The following DGKB variants were observed in gnomAD, a reference collection of about 807,000 sequenced individuals.
DGKB encodes the protein diacylglycerol kinase beta, also known as 90 kDa diacylglycerol kinase.
A neutral mutation model predicts 114.3 loss-of-function variants in DGKB; 67 were observed. The ratio of observed to expected loss-of-function variants is 0.59; its 90% CI spans 0.48 to 0.72. The LOEUF (loss-of-function observed/expected upper bound fraction) is 0.72, where lower values mean the gene tolerates loss of function less well. Ranked by LOEUF, DGKB falls within the 30% of genes least tolerant of loss-of-function variation. The probability of loss-of-function intolerance (pLI) is 0.00; values close to 1 mark genes in which losing one functional copy is unlikely to be tolerated. For missense variants in DGKB, 907 were observed against 975.2 expected, an observed-to-expected ratio of 0.93 and a Z score of 0.93; for synonymous variants, 398 against 323.1, an observed-to-expected ratio of 1.23 and a Z score of -2.49.
chr7:14,600,964 G>T (rs1803434853), intron 17 of DGKB, among the ~76,000 whole-genome samples: 1 of 152,098 alleles, frequency 6.6e-6, no homozygotes, highest in African/African-American at 2.4e-5. Flanking sequence ...GCTCCACTAG[G>T]CATTGTCCTA....
intron 20 of DGKB, among the ~76,000 whole-genome samples, chr7:14,562,509 A>T (rs999055310): frequency 1.1e-4 from 17 of 152,160 alleles, no homozygotes; most frequent in Non-Finnish European, 2.4e-4. Context: ...GCCAGGAGGG[A>T]AGATGTACCC....
intron 4 of DGKB, among the ~76,000 whole-genome samples, chr7:14,739,496 C>A (rs768269334): frequency 3.3e-5 from 5 of 152,162 alleles, no homozygotes; most frequent in Non-Finnish European, 5.9e-5. Flanking sequence ...TTGTTGAGAG[C>A]TTTCCTTTCT....
At chr7:14,251,184 G>A (rs1795184006) in intron 23 of DGKB, among the ~76,000 whole-genome samples, 1 of 152,034 alleles carries the variant, frequency 6.6e-6, no homozygotes, top group African/African-American at 2.4e-5. Flanking sequence ...TTTTCTGACT[G>A]CTTTGCATTT....
intron 21 of DGKB, among the ~76,000 whole-genome samples, chr7:14,353,660 A>G (rs1375752003): frequency 6.6e-6 from 1 of 152,194 alleles, no homozygotes; most frequent in Non-Finnish European, 1.5e-5. Context: ...CACACTCAAA[A>G]CATAACTCAC....
intron 23 of DGKB, among the ~76,000 whole-genome samples, chr7:14,218,358 TTACTC>T (rs1225984148): frequency 6.6e-6 from 1 of 152,122 alleles, no homozygotes; most frequent in East Asian, 1.9e-4. Flanking sequence ...TTGATCAAGA[TTACTC>T]TATTTGTCTC....
At chr7:14,834,654 A>G (rs1846896832) in intron 2 of DGKB, among the ~76,000 whole-genome samples, 1 of 152,134 alleles carries the variant, frequency 6.6e-6, no homozygotes, top group Admixed American at 6.6e-5. Flanking sequence ...GCTGACTCAG[A>G]TTGGAAATGT....
intron 23 of DGKB, among the ~76,000 whole-genome samples, chr7:14,190,027 C>A (rs1020012394): frequency 2.0e-5 from 3 of 152,132 alleles, no homozygotes; most frequent in South Asian, 4.1e-4. Flanking sequence ...ATTGGACTTA[C>A]ACTGCACCAT....
In DGKB at chr7:14,570,928, C is replaced by T. The variant is rs79596899; in HGVS notation, c.1770+3284G>A. The stretch of plus-strand genomic sequence containing the variant: ...ATATAAGGGTTTTACAACCTCGACA[C>T]TATTGACATTTTGAGCTGTATAGCT... On this transcript the variant is annotated intron_variant, in intron 20 of 25. Coordinates refer to ENST00000402815, the MANE Select transcript of DGKB (RefSeq NM_001350709.2). Among the ~76,000 whole-genome samples, 623 of 152,262 alleles carry T rather than the reference C, an allele frequency of 4.1e-3. 4 individuals are homozygous for T. The highest frequency in any genetic ancestry group is 0.014 in the African/African-American group (597 of 41,550).
At chr7:14,554,812 T>C (rs938745285) in intron 20 of DGKB, among the ~76,000 whole-genome samples, 6 of 152,148 alleles carry the variant, frequency 3.9e-5, no homozygotes, top group African/African-American at 1.4e-4. Flanking sequence ...ATTTTTTTCA[T>C]CTGGCTATTC....
chr7:14,803,317 G>C (rs7789696), intron 2 of DGKB, among the ~76,000 whole-genome samples: 1 of 151,800 alleles, frequency 6.6e-6, no homozygotes, highest in African/African-American at 2.4e-5. Context: ...TGGGTCTCCA[G>C]ATACAAGGAT....
intron 20 of DGKB, among the ~76,000 whole-genome samples, chr7:14,493,432 T>C (rs1784861081): frequency 6.6e-6 from 1 of 152,114 alleles, no homozygotes; most frequent in Non-Finnish European, 1.5e-5. Flanking sequence ...TTATCACATA[T>C]ACTGTAATAA....
intron 21 of DGKB, among the ~76,000 whole-genome samples, chr7:14,384,708 G>A (rs565373550): frequency 7.2e-5 from 11 of 152,146 alleles, no homozygotes; most frequent in African/African-American, 1.4e-4. Flanking sequence ...CTTTACCTCC[G>A]TGGTTCTCAA....
chr7:14,764,341 T>C (rs1023195535), intron 2 of DGKB, among the ~76,000 whole-genome samples: 1 of 152,026 alleles, frequency 6.6e-6, no homozygotes, highest in Non-Finnish European at 1.5e-5. Flanking sequence ...TTAATTGTTG[T>C]GCAGACAACA....
chr7:14,254,637 A>C (rs536948876), intron 23 of DGKB, among the ~76,000 whole-genome samples: 27 of 152,216 alleles, frequency 1.8e-4, no homozygotes, highest in Non-Finnish European at 3.4e-4. Flanking sequence ...TATCAACCCT[A>C]CATATACATA....
chr7:14,468,682 TACA>T (rs1780844001), intron 21 of DGKB, among the ~76,000 whole-genome samples: 1 of 149,752 alleles, frequency 6.7e-6, no homozygotes. Flanking sequence ...GCATACAAGC[TACA>T]ACAATGAGTA....
At chr7:14,647,705 GT>G (rs1214931613) in intron 13 of DGKB, among the ~76,000 whole-genome samples, 1 of 152,220 alleles carries the variant, frequency 6.6e-6, no homozygotes, top group Non-Finnish European at 1.5e-5. Context: ...CAGAAGACGG[GT>G]GATTTCTGCA....
At chr7:14,891,288 A>G (rs1156664224) in intron 1 of DGKB, among the ~76,000 whole-genome samples, 1 of 151,450 alleles carries the variant, frequency 6.6e-6, no homozygotes, top group African/African-American at 2.4e-5. Flanking sequence ...CGATAAAAAC[A>G]CTGTTGACCC....
chr7:14,206,274 A>G (rs1437748942), intron 23 of DGKB, among the ~76,000 whole-genome samples: 1 of 152,040 alleles, frequency 6.6e-6, no homozygotes, highest in African/African-American at 2.4e-5. Context: ...GTTTGTAGGA[A>G]GAAAAATTAA....
intron 19 of DGKB, among the ~76,000 whole-genome samples, chr7:14,579,099 C>G (rs752123646): frequency 1.3e-5 from 2 of 152,120 alleles, no homozygotes; most frequent in African/African-American, 4.8e-5. Flanking sequence ...GATAGTTCAT[C>G]TCTATTATTC....
Sources: allele counts gnomAD v4.1 joint callset (sites outside exome capture counted in the v4.1 genomes callset), GRCh38; gene constraint gnomAD v4.1.1; transcripts MANE v1.5; gene names NCBI Gene and HGNC (gene_info 2026-07-23, HGNC 2026-07-21).